Variants in PLCL1 observed in about 807,000 individuals in gnomAD.
PLCL1 encodes the protein phospholipase C like 1 (inactive).
In PLCL1, 41 loss-of-function variants were observed where a neutral mutation model predicts 84.4. That is an observed-to-expected ratio of 0.49 (90% CI 0.38 to 0.63). The LOEUF (loss-of-function observed/expected upper bound fraction) is 0.63. Among genes scored for constraint, PLCL1 ranks in the 30% least tolerant of loss-of-function variants. The pLI is 0.00. For missense variants in PLCL1, 1,206 were observed against 1,367.8 expected (o/e 0.88, Z 1.87); for synonymous variants, 490 against 488.3 (o/e 1.00, Z -0.05).
At chr2:198,070,614 G>A (rs1171088687) in intron 1 of PLCL1, among the ~76,000 whole-genome samples, 3 of 151,840 alleles carry the variant, frequency 2.0e-5, no homozygotes, top group Non-Finnish European at 4.4e-5. Flanking sequence ...TATTAGAAGT[G>A]CATTGACCAT....
At chr2:197,864,565 C>T (rs865963340) in intron 1 of PLCL1, among the ~76,000 whole-genome samples, 1 of 151,486 alleles carries the variant, frequency 6.6e-6, no homozygotes, top group African/African-American at 2.4e-5. Flanking sequence ...ACTGTACCCT[C>T]GATCTCCTGG....
At chr2:197,986,427 C>G (rs1036667151) in intron 1 of PLCL1, among the ~76,000 whole-genome samples, 2 of 152,196 alleles carry the variant, frequency 1.3e-5, no homozygotes, top group Non-Finnish European at 2.9e-5. Flanking sequence ...TCATAGCTCA[C>G]TGCAGTCTCA....
At chr2:197,902,812 T>C (rs1487491306) in intron 1 of PLCL1, among the ~76,000 whole-genome samples, 3 of 152,172 alleles carry the variant, frequency 2.0e-5, no homozygotes, top group Non-Finnish European at 2.9e-5. Context: ...TCACAAGAGC[T>C]GGAGTGTCTT....
intron 1 of PLCL1, among the ~76,000 whole-genome samples, chr2:197,908,736 A>G (rs1688430187): frequency 6.6e-6 from 1 of 152,198 alleles, no homozygotes; most frequent in East Asian, 1.9e-4. Context: ...AAAAAACCTC[A>G]TGATATATTT....
intron 1 of PLCL1, among the ~76,000 whole-genome samples, chr2:197,854,451 G>A (rs1306206356): frequency 6.6e-6 from 1 of 152,074 alleles, no homozygotes; most frequent in Non-Finnish European, 1.5e-5. Flanking sequence ...TTGTTGACTA[G>A]TTGAGAGTCT....
At chr2:198,045,958 C>T (rs186841964) in intron 1 of PLCL1, among the ~76,000 whole-genome samples, 69 of 152,234 alleles carry the variant, frequency 4.5e-4, no homozygotes, top group Admixed American at 2.7e-3. Context: ...TTCAATGTAA[C>T]GAGCAATCAA....
intron 1 of PLCL1, among the ~76,000 whole-genome samples, chr2:197,968,537 T>C (rs1689794384): frequency 6.6e-6 from 1 of 152,194 alleles, no homozygotes; most frequent in Non-Finnish European, 1.5e-5. Context: ...ACTGGGAAAA[T>C]AGAAATAGTT....
chr2:198,092,178 C>T (rs1693061139), intron 3 of PLCL1, among the ~76,000 whole-genome samples: 1 of 151,996 alleles, frequency 6.6e-6, no homozygotes, highest in African/African-American at 2.4e-5. Flanking sequence ...TTTGCCTCTC[C>T]CAACCTCACC....
At chr2:197,817,312 G>C (rs998539753) in intron 1 of PLCL1, among the ~76,000 whole-genome samples, 1 of 152,028 alleles carries the variant, frequency 6.6e-6, no homozygotes, top group Non-Finnish European at 1.5e-5. Flanking sequence ...TGTTTATTTA[G>C]TGTGGGAACA....
chr2:197,903,051 C>A (rs141785084), intron 1 of PLCL1, among the ~76,000 whole-genome samples: 1 of 152,102 alleles, frequency 6.6e-6, no homozygotes, highest in Non-Finnish European at 1.5e-5. Context: ...AATTTTGGTC[C>A]ATCAGTGAGC....
intron 5 of PLCL1, among the ~76,000 whole-genome samples, chr2:198,129,962 A>G (rs1694079780): frequency 6.6e-6 from 1 of 152,096 alleles, no homozygotes; most frequent in African/African-American, 2.4e-5. Flanking sequence ...CTAGTTGGGA[A>G]CATTCTACGT....
At chr2:197,924,635 C>T (rs1235258229) in intron 1 of PLCL1, among the ~76,000 whole-genome samples, 2 of 151,738 alleles carry the variant, frequency 1.3e-5, no homozygotes, top group Non-Finnish European at 2.9e-5. Context: ...TTTAATGAAG[C>T]GCTCACAGGG....
At chr2:198,039,608 C>T (rs1691614412) in intron 1 of PLCL1, among the ~76,000 whole-genome samples, 1 of 152,170 alleles carries the variant, frequency 6.6e-6, no homozygotes, top group South Asian at 2.1e-4. Flanking sequence ...TGGAGATTCT[C>T]AGGTTTCTGA....
chr2:198,100,879 G>C (rs528592731), intron 3 of PLCL1, among the ~76,000 whole-genome samples: 1 of 152,100 alleles, frequency 6.6e-6, no homozygotes, highest in African/African-American at 2.4e-5. Flanking sequence ...GCTGCCTCTG[G>C]AAGGATAAAA....
intron 1 of PLCL1, among the ~76,000 whole-genome samples, chr2:197,995,374 G>C (rs1332395856): frequency 3.3e-5 from 5 of 152,082 alleles, no homozygotes; most frequent in African/African-American, 1.2e-4. Context: ...TGGAGAATCT[G>C]AAATGAAACA....
intron 4 of PLCL1, among the ~76,000 whole-genome samples, chr2:198,103,344 A>G (rs993518097): frequency 1.6e-4 from 25 of 152,000 alleles, no homozygotes; most frequent in African/African-American, 5.8e-4. Flanking sequence ...GGTACATGAG[A>G]TGTTCTGATA....
chr2:198,120,512 A>T (rs957499246), intron 5 of PLCL1, among the ~76,000 whole-genome samples: 1 of 151,860 alleles, frequency 6.6e-6, no homozygotes, highest in Non-Finnish European at 1.5e-5. Context: ...TCTACTCTCT[A>T]TGTCCATGAG....
At chr2:198,069,636 C>T (rs959254429) in intron 1 of PLCL1, among the ~76,000 whole-genome samples, 2 of 152,010 alleles carry the variant, frequency 1.3e-5, no homozygotes, top group African/African-American at 4.8e-5. Flanking sequence ...TCTCAGGAGG[C>T]AATAAGCCTG....
chr2:197,883,761 C>T (rs541049192), intron 1 of PLCL1, among the ~76,000 whole-genome samples: 1 of 152,280 alleles, frequency 6.6e-6, no homozygotes, highest in East Asian at 1.9e-4. Flanking sequence ...GTGATACTCA[C>T]ATGATATAAA....
Sources: allele counts gnomAD v4.1 joint callset (sites outside exome capture counted in the v4.1 genomes callset), GRCh38; gene constraint gnomAD v4.1.1; transcripts MANE v1.5; gene names NCBI Gene and HGNC (gene_info 2026-07-23, HGNC 2026-07-21).